Variants in CLDN10 observed in about 807,000 individuals in gnomAD.
CLDN10 encodes the protein claudin-10.
In CLDN10, 15 loss-of-function variants were observed where a neutral mutation model predicts 22.9. The ratio of observed to expected loss-of-function variants is 0.65; its 90% confidence interval spans 0.44 to 1.01. The LOEUF (loss-of-function observed/expected upper bound fraction) is 1.01, where lower values mean the gene tolerates loss of function less well. CLDN10 is among the 50% of genes least tolerant of loss of function. The pLI, the probability that CLDN10 is intolerant of heterozygous loss-of-function variation, is 0.00. For synonymous variants in CLDN10, 114 were observed against 111.4 expected (o/e 1.02, Z -0.15); for missense variants, 247 against 287.8 (o/e 0.86, Z 1.03).
At chr13:95,440,600 G>T (rs79160930) in intron 1 of CLDN10, among the ~76,000 whole-genome samples, 3,153 of 152,268 alleles carry the variant, frequency 0.021, 116 homozygotes, top group African/African-American at 0.072. Flanking sequence ...TGCTTCAACT[G>T]GGGAGATTGA....
At chr13:95,481,185 A>C (rs1185081801) in intron 1 of CLDN10, among the ~76,000 whole-genome samples, 1 of 152,178 alleles carries the variant, frequency 6.6e-6, no homozygotes, top group Admixed American at 6.5e-5. Context: ...CTAGATGGGG[A>C]AGAGTTTCCA....
intron 1 of CLDN10, among the ~76,000 whole-genome samples, chr13:95,436,093 G>A (rs1394046445): frequency 2.0e-5 from 3 of 152,216 alleles, no homozygotes; most frequent in Admixed American, 6.5e-5. Flanking sequence ...CCTTTTACAT[G>A]ACTTCAACTT....
chr13:95,554,119 G>A (rs1450618953), intron 1 of CLDN10, among the ~76,000 whole-genome samples: 3 of 152,144 alleles, frequency 2.0e-5, no homozygotes, highest in Non-Finnish European at 2.9e-5. Flanking sequence ...CTCCGTATAA[G>A]GAATACGCAT....
intron 1 of CLDN10, among the ~76,000 whole-genome samples, chr13:95,516,670 G>A (rs1477049300): frequency 6.6e-6 from 1 of 152,154 alleles, no homozygotes; most frequent in East Asian, 1.9e-4. Flanking sequence ...TTCTCCTGCT[G>A]CAAGTCTCAA....
intron 1 of CLDN10, among the ~76,000 whole-genome samples, chr13:95,532,844 A>G (rs1161351749): frequency 6.6e-6 from 1 of 150,406 alleles, no homozygotes; most frequent in Non-Finnish European, 1.5e-5. Context: ...ATGTGCAACA[A>G]CATAGATGAG....
At chr13:95,525,094 G>T (rs1187455420) in intron 1 of CLDN10, among the ~76,000 whole-genome samples, 1 of 152,094 alleles carries the variant, frequency 6.6e-6, no homozygotes, top group Non-Finnish European at 1.5e-5. Flanking sequence ...CCCGACCTCA[G>T]GTGATTGCCC....
chr13:95,467,588 A>G (rs1303852864), intron 1 of CLDN10, among the ~76,000 whole-genome samples: 2 of 152,052 alleles, frequency 1.3e-5, no homozygotes, highest in Non-Finnish European at 2.9e-5. Flanking sequence ...AAAATGTCCT[A>G]TACTCTGCTT....
intron 1 of CLDN10, among the ~76,000 whole-genome samples, chr13:95,455,881 T>C (rs1169059657): frequency 2.0e-5 from 3 of 152,224 alleles, no homozygotes; most frequent in Non-Finnish European, 4.4e-5. Context: ...GGGAATTCTA[T>C]TTCATACAGG....
At chr13:95,460,316 A>G (rs922858495) in intron 1 of CLDN10, among the ~76,000 whole-genome samples, 5 of 152,174 alleles carry the variant, frequency 3.3e-5, no homozygotes, top group Admixed American at 1.3e-4. Flanking sequence ...GTATCTTTAT[A>G]GCAGCAACAT....
rs1566348922 is a variant in CLDN10 at position 95,578,021 on chromosome 13, T to C, written c.*7T>C. 6.4e-7 allele frequency: 1 copy of C among 1,552,910 alleles called. No individual in the cohort carries two copies. The highest frequency in any genetic ancestry group is 8.9e-7 in the Non-Finnish European group (1 of 1,126,520). On this transcript the variant is annotated 3_prime_UTR_variant, in exon 5 of 5. Transcript: ENST00000299339. ...TAAAAATGCTTATGTCTAAAAGAGC[T>C]CGCTGGCAAGCTGCCTCTTGAGTTT...
At chr13:95,444,835 C>T (rs917960530) in intron 1 of CLDN10, among the ~76,000 whole-genome samples, 42 of 152,178 alleles carry the variant, frequency 2.8e-4, no homozygotes, top group African/African-American at 9.9e-4. Context: ...CACTCTGTCA[C>T]ACAGGCTGGA....
chr13:95,542,412 G>A (rs192083791), intron 1 of CLDN10, among the ~76,000 whole-genome samples: 82 of 152,252 alleles, frequency 5.4e-4, no homozygotes, highest in Admixed American at 1.9e-3. Context: ...TATGTACTTC[G>A]AAATTCAACA....
chr13:95,465,173 C>T (rs764875860), intron 1 of CLDN10, among the ~76,000 whole-genome samples: 4 of 152,106 alleles, frequency 2.6e-5, no homozygotes, highest in Admixed American at 6.6e-5. Context: ...GAGGCAGAAG[C>T]GAAAGTAGAA....
At chr13:95,512,410 T>C (rs1264936265) in intron 1 of CLDN10, among the ~76,000 whole-genome samples, 1 of 152,156 alleles carries the variant, frequency 6.6e-6, no homozygotes. Context: ...TTTTGTTGTT[T>C]TTGGTTTGTT....
intron 1 of CLDN10, among the ~76,000 whole-genome samples, chr13:95,526,624 T>C (rs139783566): frequency 0.099 from 15,059 of 151,890 alleles, 905 homozygotes; most frequent in Middle Eastern, 0.13. Context: ...TCCGTCTCTA[T>C]TAAAAATACA....
At chr13:95,497,189 A>G (rs1378263389) in intron 1 of CLDN10, 1 of 152,224 alleles carries the variant, frequency 6.6e-6, no homozygotes, top group Non-Finnish European at 1.5e-5. Context: ...ATAATTAAAC[A>G]ATCTATTATA....
chr13:95,507,866 A>C (rs947645678), intron 1 of CLDN10, among the ~76,000 whole-genome samples: 1 of 151,998 alleles, frequency 6.6e-6, no homozygotes, highest in Non-Finnish European at 1.5e-5. Context: ...CAAGTGATCC[A>C]CCTGCCTCGG....
intron 1 of CLDN10, among the ~76,000 whole-genome samples, chr13:95,545,425 C>T (rs776004598): frequency 2.0e-5 from 3 of 151,982 alleles, no homozygotes; most frequent in East Asian, 2.0e-4. Flanking sequence ...TGCCTGGTAT[C>T]CCAGCTACTT....
At chr13:95,508,590 G>A (rs1399658881) in intron 1 of CLDN10, among the ~76,000 whole-genome samples, 1 of 152,248 alleles carries the variant, frequency 6.6e-6, no homozygotes, top group Non-Finnish European at 1.5e-5. Context: ...GGTAAGGAAG[G>A]CGGACAACCG....
Sources: gnomAD v4.1 joint callset for allele counts (sites outside exome capture counted in the v4.1 genomes callset) on GRCh38, gnomAD v4.1.1 for gene constraint, MANE v1.5 for transcripts, NCBI Gene and HGNC (gene_info 2026-07-23, HGNC 2026-07-21) for gene names.